SAXO1: variants seen among roughly 807,000 people sequenced by gnomAD.
The protein encoded by SAXO1 is stabilizer of axonemal microtubules 1.
SAXO1 carries 21 observed loss-of-function variants against 17.5 expected under a neutral mutation model. That is an observed-to-expected ratio of 1.20 (90% CI 0.85 to 1.72). The LOEUF (loss-of-function observed/expected upper bound fraction) is 1.72, where lower values mean the gene tolerates loss of function less well. Ranked by LOEUF, SAXO1 falls within the 40% of genes most tolerant of loss-of-function variation. The pLI is 0.00. For synonymous variants in SAXO1, 274 were observed against 216.5 expected (o/e 1.27, Z -2.33); for missense variants, 843 against 596.0 (o/e 1.41, Z -4.32).
chr9:19,032,461 C>T (rs1315530461), intron 1 of SAXO1, among the ~76,000 whole-genome samples: 1 of 152,230 alleles, frequency 6.6e-6, no homozygotes, highest in East Asian at 1.9e-4. Context: ...GACAAAGTAA[C>T]AATCTCTCTG....
At chr9:18,959,680 A>T (rs1462953589) in intron 1 of SAXO1, among the ~76,000 whole-genome samples, 2 of 151,906 alleles carry the variant, frequency 1.3e-5, no homozygotes, top group African/African-American at 2.4e-5. Flanking sequence ...CTGAGGCAGG[A>T]GAATCACTTG....
chr9:18,983,008 A>G (rs1331107486), intron 1 of SAXO1, among the ~76,000 whole-genome samples: 2 of 152,198 alleles, frequency 1.3e-5, no homozygotes, highest in African/African-American at 2.4e-5. Flanking sequence ...GGCTTCAAAC[A>G]TGAGGTGACG....
At chr9:18,975,031 G>T (rs747926795) in intron 1 of SAXO1, among the ~76,000 whole-genome samples, 1 of 152,156 alleles carries the variant, frequency 6.6e-6, no homozygotes, top group Non-Finnish European at 1.5e-5. Context: ...ACTGTGTAGG[G>T]TATGGCTAAG....
In SAXO1 at chr9:18,954,615, G is replaced by A. The variant is rs139025692; in HGVS notation, c.39-3678C>T. 2.2e-3 allele frequency among the ~76,000 whole-genome samples: 328 copies of A among 152,204 alleles called. 1 individual carries two copies. The highest frequency in any genetic ancestry group is 7.5e-3 in the African/African-American group (313 of 41,532). On this transcript the variant is annotated intron_variant, in intron 1 of 3. Coordinates refer to ENST00000380534, the MANE Select transcript of SAXO1 (RefSeq NM_153707.4). ...GCCACGCAAAGTGCTGAGATCACAG[G>A]CATGAGCCACCACACCTAGCCTAGA...
chr9:18,984,165 T>C (rs1454869461), intron 1 of SAXO1, among the ~76,000 whole-genome samples: 2 of 152,180 alleles, frequency 1.3e-5, no homozygotes, highest in East Asian at 1.9e-4. Context: ...CAGAAAACCA[T>C]GTTGTAAAAA....
At chr9:18,945,277 A>G (rs965363345) in intron 2 of SAXO1, among the ~76,000 whole-genome samples, 2 of 151,856 alleles carry the variant, frequency 1.3e-5, no homozygotes, top group South Asian at 4.2e-4. Flanking sequence ...TCCAGACCCA[A>G]CCGCTGCTTC....
chr9:18,983,886 C>T (rs985447538), intron 1 of SAXO1, among the ~76,000 whole-genome samples: 6 of 152,200 alleles, frequency 3.9e-5, no homozygotes, highest in Non-Finnish European at 8.8e-5. Context: ...CTTCAAAGGA[C>T]ATGCTGACTC....
At chr9:18,956,604 T>C (rs1400511869) in intron 1 of SAXO1, among the ~76,000 whole-genome samples, 1 of 152,168 alleles carries the variant, frequency 6.6e-6, no homozygotes, top group Non-Finnish European at 1.5e-5. Flanking sequence ...GCTCTGCCAC[T>C]GACTACTTGT....
chr9:18,951,602 G>A (rs748481348), intron 1 of SAXO1, among the ~76,000 whole-genome samples: 11 of 152,108 alleles, frequency 7.2e-5, no homozygotes, highest in South Asian at 2.1e-4. Context: ...GATCCACCTC[G>A]CCGTCGTATC....
intron 1 of SAXO1, among the ~76,000 whole-genome samples, chr9:18,992,033 G>A (rs1833834647): frequency 6.6e-6 from 1 of 152,110 alleles, no homozygotes; most frequent in Admixed American, 6.5e-5. Flanking sequence ...AAAATGCCAG[G>A]CACGATTTAA....
chr9:18,964,197 A>G lies in SAXO1; in HGVS notation c.39-13260T>C, dbSNP rs112086544. On this transcript the variant is annotated intron_variant, in intron 1 of 3. Coordinates refer to ENST00000380534, the MANE Select transcript of SAXO1 (RefSeq NM_153707.4). ...CCAGTATTTTAGTGAGGATTTTTGT[A>G]TTAACGTTCATCAGGGATATTGGCC... is the stretch of plus-strand genomic sequence containing the variant. 2.5e-3 allele frequency among the ~76,000 whole-genome samples: 385 copies of G among 152,266 alleles called. 5 individuals are homozygous for G. The highest frequency in any genetic ancestry group is 9.1e-3 in the African/African-American group (376 of 41,534).
intron 1 of SAXO1, among the ~76,000 whole-genome samples, chr9:19,044,920 T>C (rs1836171497): frequency 6.6e-6 from 1 of 151,954 alleles, no homozygotes; most frequent in Non-Finnish European, 1.5e-5. Flanking sequence ...GGAGCAACAT[T>C]TTTACCACAG....
At chr9:18,941,978 T>C in intron 2 of SAXO1, 139 bp from the exon 3 acceptor site, 1 of 736,866 alleles carries the variant, frequency 1.4e-6, no homozygotes, top group Non-Finnish European at 2.3e-6. Flanking sequence ...CCGAACTGTT[T>C]CTCCTCTATT....
rs536937793 is a variant in SAXO1 at position 18,995,063 on chromosome 9, C to G, written c.38+37808G>C. On this transcript the variant is annotated intron_variant, in intron 1 of 3. Coordinates refer to ENST00000380534, the MANE Select transcript of SAXO1 (RefSeq NM_153707.4). ...AATGCACAAAATAACTATAAAATGT[C>G]ACACTTCTACTACTTATGCTTATTT... 3.0e-3 allele frequency among the ~76,000 whole-genome samples: 459 copies of G among 152,244 alleles called. 8 individuals are homozygous for G. In the South Asian group the frequency reaches 0.044, roughly 15 times the overall value.
At position 18,928,793 on chromosome 9, in the gene SAXO1, C is replaced by G. The variant is rs1300048464; in HGVS notation, c.684G>C (p.Arg228Ser). 5 of 1,613,988 alleles carry G rather than the reference C, an allele frequency of 3.1e-6. No homozygotes were observed. The African/African-American group carries it at 4.0e-5, about 13-fold the overall frequency. Residue 228 changes from arginine (R) to serine (S), a missense_variant, in exon 4 of 4, where the codon AGG becomes AGC. By Grantham distance (110) the Arg-to-Ser change is moderately radical. Transcript: ENST00000380534. Reference protein sequence around the residue: ...KRFVHEAEKFRPCEIPFESLT... With the variant: ...KRFVHEAEKFSPCEIPFESLT... ...GGCTTTCAAAGGGGATTTCACAGGG[C>G]CTGAACTTCTCTGCTTCATGCACAA...
At chr9:19,008,824 T>G (rs1392883959) in intron 1 of SAXO1, among the ~76,000 whole-genome samples, 1 of 152,138 alleles carries the variant, frequency 6.6e-6, no homozygotes, top group Non-Finnish European at 1.5e-5. Context: ...CAAGGGCAGG[T>G]CCAGGAGCAA....
intron 1 of SAXO1, among the ~76,000 whole-genome samples, chr9:19,014,863 C>T (rs981743401): frequency 1.3e-5 from 2 of 152,068 alleles, no homozygotes; most frequent in African/African-American, 2.4e-5. Context: ...CTCTTCCTGC[C>T]GGGGTTAGGA....
intron 1 of SAXO1, among the ~76,000 whole-genome samples, chr9:18,996,637 A>T (rs1258788622): frequency 6.6e-6 from 1 of 152,190 alleles, no homozygotes; most frequent in Non-Finnish European, 1.5e-5. Context: ...GGTAAAATTC[A>T]ACATCCTTTC....
chr9:19,031,027 G>C (rs921239354), intron 1 of SAXO1, among the ~76,000 whole-genome samples: 1 of 152,172 alleles, frequency 6.6e-6, no homozygotes, highest in African/African-American at 2.4e-5. Flanking sequence ...GCTTCCAATG[G>C]AAAGTGACTC....
Sources: allele counts gnomAD v4.1 joint callset (sites outside exome capture counted in the v4.1 genomes callset), GRCh38; gene constraint gnomAD v4.1.1; transcripts MANE v1.5; gene names NCBI Gene and HGNC (gene_info 2026-07-23, HGNC 2026-07-21).